The following STX1B variants were observed in gnomAD, a reference collection of about 807,000 sequenced individuals.
The protein encoded by STX1B is syntaxin 1B.
STX1B carries 7 observed loss-of-function variants against 39.4 expected under a neutral mutation model. The observed-to-expected ratio is 0.18, with a 90% CI of 0.10 to 0.33. The LOEUF is 0.33. Among genes scored for constraint, STX1B ranks in the 10% least tolerant of loss-of-function variants. The pLI is 1.00. For missense variants in STX1B, 198 were observed against 383.2 expected, an observed-to-expected ratio of 0.52 and a Z score of 4.04; for synonymous variants, 136 against 144.1, an observed-to-expected ratio of 0.94 and a Z score of 0.40.
chr16:31,008,331 C>T (rs986341559), intron 1 of STX1B, among the ~76,000 whole-genome samples: 65 of 151,778 alleles, frequency 4.3e-4, no homozygotes, highest in Non-Finnish European at 6.8e-4. Context: ...ACACCACCTC[C>T]GGCAGCCACA....
At chr16:30,996,922 C>G (rs73528516) in intron 6 of STX1B, 29 bp downstream of exon 6, 5 of 1,530,726 alleles carry the variant, frequency 3.3e-6, no homozygotes, top group Admixed American at 1.7e-5. Context: ...TCAAGGAGTT[C>G]GGGGTCCTGG....
chr16:31,008,688 C>T (rs922249307), intron 1 of STX1B, among the ~76,000 whole-genome samples: 5 of 152,136 alleles, frequency 3.3e-5, no homozygotes, highest in Non-Finnish European at 7.3e-5. Flanking sequence ...AATGACATCA[C>T]GGATGAAAGC....
In STX1B at chr16:31,001,821, A is replaced by AC. The variant is rs537233943; in HGVS notation, c.31-219dup. On this transcript the variant is annotated intron_variant, in intron 1 of 9. Transcript: ENST00000215095. The surrounding 1 kb of genome is among the most constrained non-coding windows in gnomAD (Gnocchi z 5.5). ...ATTCCTTAGAAGGAATTGGAAAAAG[A>AC]CCCCCTCTCAGGGTGGATGTGGCCT... 4.9e-4 allele frequency among the ~76,000 whole-genome samples: 75 copies of AC among 151,788 alleles called. No homozygotes were observed. The highest frequency in any genetic ancestry group is 1.6e-3 in the African/African-American group (65 of 41,404).
In STX1B at chr16:30,998,093, A is replaced by C. The variant is rs1459079089; in HGVS notation, c.281-518T>G. 2.6e-5 allele frequency among the ~76,000 whole-genome samples: 4 copies of C among 152,212 alleles called. No homozygotes were observed. In the East Asian group the frequency reaches 7.7e-4, roughly 29 times the overall value. Reference sequence around the variant, plus strand: ...CAAGGGCAAACACATGGATATTCCAAGGGAGAAAGCAGCCCTCTCCCTGCC... The same window carrying C: ...CAAGGGCAAACACATGGATATTCCACGGGAGAAAGCAGCCCTCTCCCTGCC... On this transcript the variant is annotated intron_variant, in intron 4 of 9. Transcript: ENST00000215095.
At position 30,992,967 on chromosome 16, in the gene STX1B, G is replaced by C. The variant is rs1231632269; in HGVS notation, c.787-66C>G. On this transcript the variant is annotated intron_variant, in intron 9 of 9. Transcript: ENST00000215095. ...AGATCGACACACGGACAGATGCAGG[G>C]ACAGACAGGGCAGAGGGTGGCAGGG... 8 of 1,429,092 alleles carry C rather than the reference G, an allele frequency of 5.6e-6. No homozygotes were observed. The African/African-American group carries it at 1.1e-4, about 20-fold the overall frequency. 88.5% of individuals were successfully genotyped at this position (1,429,092 alleles called of 1,614,324 possible).
intron 7 of STX1B, 176 bp downstream of exon 7, chr16:30,996,507 T>C: frequency 1.6e-6 from 1 of 617,242 alleles, no homozygotes; most frequent in Non-Finnish European, 2.9e-6. Flanking sequence ...CACGAACGAC[T>C]CCGTCATCTG....
At chr16:31,009,414 C>T (rs548813343) in intron 1 of STX1B, among the ~76,000 whole-genome samples, 24 of 152,146 alleles carry the variant, frequency 1.6e-4, no homozygotes, top group Admixed American at 4.6e-4. Flanking sequence ...GCAGCTCAGC[C>T]GGGGCCGGTA....
intron 1 of STX1B, among the ~76,000 whole-genome samples, chr16:31,009,253 C>T (rs2056669154): frequency 6.6e-6 from 1 of 152,118 alleles, no homozygotes. Flanking sequence ...AGACAGGAAA[C>T]CCAGATTGCA....
intron 7 of STX1B, among the ~76,000 whole-genome samples, chr16:30,994,249 G>A (rs1254327758): frequency 4.0e-5 from 6 of 150,206 alleles, no homozygotes; most frequent in African/African-American, 1.2e-4. Context: ...CCGAGATTGC[G>A]CCACTGCACT....
At chr16:30,994,752 C>T (rs2056582798) in intron 7 of STX1B, among the ~76,000 whole-genome samples, 1 of 152,144 alleles carries the variant, frequency 6.6e-6, no homozygotes, top group Non-Finnish European at 1.5e-5. Context: ...TGCCATGGCT[C>T]CCCACTACCC....
chr16:31,006,396 C>A (rs2056655366), intron 1 of STX1B, among the ~76,000 whole-genome samples: 1 of 152,184 alleles, frequency 6.6e-6, no homozygotes, highest in Non-Finnish European at 1.5e-5. Context: ...TGGAGTCATT[C>A]ATTCATCTAA....
In STX1B at chr16:31,008,125, G is replaced by A. The variant is rs1226054034; in HGVS notation, c.30+2242C>T. Among the ~76,000 whole-genome samples, 24 of 149,856 alleles carry A rather than the reference G, an allele frequency of 1.6e-4. No individual in the cohort carries two copies. The South Asian group carries it at 3.4e-3, about 21-fold the overall frequency. On this transcript the variant is annotated intron_variant, in intron 1 of 9. Transcript: ENST00000215095. ...TCCCTCCCAGTGTCTCAGAGACCCC[G>A]TTTCCAGGTCCCCCACACCCTGCCA...
chr16:30,996,677 G>A lies in STX1B; in HGVS notation c.537+6C>T. ...AAAAGCAGAGCCCGCCCCACCCGCG[G>A]CTCACGTCATCTGTGAAGATGGCCA... On this transcript the variant is annotated splice_donor_region_variant and intron_variant, in intron 7 of 9. Transcript: ENST00000215095. 2 of 1,612,832 alleles carry A rather than the reference G, an allele frequency of 1.2e-6. No individual in the cohort carries two copies. The highest frequency in any genetic ancestry group is 1.7e-6 in the Non-Finnish European group (2 of 1,179,088).
chr16:31,001,151 C>T lies in STX1B; in HGVS notation c.148G>A (p.Val50Met), dbSNP rs1374680398. The T allele has an allele frequency of 6.2e-7, 1 of 1,614,026 alleles. No homozygotes were observed. Among genetic ancestry groups the T allele is most frequent in the East Asian group, 2.2e-5 (1 of 44,894 alleles). Reference sequence around the variant, plus strand: ...CTATGCTGTTTTTTCACCTGCTCCACATCCTCCGACAGTTTCTCAATGCAG... The same window carrying T: ...CTATGCTGTTTTTTCACCTGCTCCATATCCTCCGACAGTTTCTCAATGCAG... ...RGCIEKLSED[V>M]EQVKKQHSAI... The change falls in exon 3 of 10, where the codon GTG becomes ATG. Residue 50 changes from valine (V) to methionine (M), a missense_variant. Transcript: ENST00000215095. This position sits in a 1 kb window ranked among gnomAD's most constrained non-coding sequence, Gnocchi z 5.5.
Position 31,004,586 on chromosome 16 carries a change from A to G in STX1B, c.31-2983T>C, listed in dbSNP as rs531097144. On this transcript the variant is annotated intron_variant, in intron 1 of 9. Transcript: ENST00000215095. ...CTACTTGGGAGGGTGAGGTAGGAGG[A>G]TCCCCGGAGCTCAGGAGGTCAAGAG... Among the ~76,000 whole-genome samples, 17 of 151,962 alleles carry G rather than the reference A, an allele frequency of 1.1e-4. No homozygotes were observed. The South Asian group carries it at 3.5e-3, about 32-fold the overall frequency.
chr16:31,003,427 G>A (rs2056641408), intron 1 of STX1B, among the ~76,000 whole-genome samples: 1 of 152,062 alleles, frequency 6.6e-6, no homozygotes, highest in South Asian at 2.1e-4. Context: ...CACTTTCTCT[G>A]TCCTCAAAAT....
In STX1B at chr16:31,010,382, A is replaced by G; in HGVS notation, c.15T>C (p.Thr5=). MKDR[T]QELRSAKDSD... is the part of the protein sequence containing the mutation. ...CCAAGCTCACACTCCGCAGCTCTTG[A>G]GTCCGATCCTTCATCCTGCGACGGC... Residue 5 remains threonine, a synonymous_variant, in exon 1 of 10, where the codon ACT becomes ACC. Coordinates refer to ENST00000215095, the MANE Select transcript of STX1B (RefSeq NM_052874.5). The G allele has an allele frequency of 7.0e-7, 1 of 1,432,382 alleles. No homozygotes were observed. The highest frequency in any genetic ancestry group is 1.4e-5 in the South Asian group (1 of 72,596). The allele number at this position is 1,432,382 out of a possible 1,614,324, so 88.7% of individuals were successfully genotyped here.
In STX1B at chr16:31,010,424, A is replaced by C; in HGVS notation, c.-28T>G. The C allele has an allele frequency of 7.0e-7, 1 of 1,427,994 alleles. No homozygotes were observed. 88.5% of individuals were successfully genotyped at this position (1,427,994 alleles called of 1,614,324 possible). A position where few individuals can be genotyped will look rare whatever the true frequency, so the allele number is the denominator to read the frequency against. On this transcript the variant is annotated 5_prime_UTR_variant, in exon 1 of 10. Transcript: ENST00000215095. ...TGCGACGGCTCCTCCTCCTCCTCCTAGTCCTCCTGCCTCTGCTGCTGCTCC... is the reference window on the plus strand; with the variant it reads ...TGCGACGGCTCCTCCTCCTCCTCCTCGTCCTCCTGCCTCTGCTGCTGCTCC...
chr16:31,004,682 A>G (rs1020480387), intron 1 of STX1B, among the ~76,000 whole-genome samples: 6 of 151,978 alleles, frequency 3.9e-5, no homozygotes, highest in Non-Finnish European at 8.8e-5. Flanking sequence ...TTTCTTAAAA[A>G]AAAAAAAAAA....
Sources: gnomAD v4.1 joint callset for allele counts (sites outside exome capture counted in the v4.1 genomes callset) on GRCh38, gnomAD v4.1.1 for gene constraint, Gnocchi (gnomAD v3.1) non-coding constraint, MANE v1.5 for transcripts, NCBI Gene and HGNC (gene_info 2026-07-23, HGNC 2026-07-21) for gene names.